The following RHOT1 variants were observed in gnomAD, a reference collection of about 807,000 sequenced individuals.
RHOT1 encodes ras homolog family member T1.
Under a neutral mutation model 95.3 loss-of-function variants are expected in RHOT1, and 27 were observed. The ratio of observed to expected loss-of-function variants is 0.28; its 90% CI spans 0.21 to 0.39. The LOEUF is 0.39. Ranked by LOEUF, RHOT1 falls within the 10% of genes least tolerant of loss-of-function variation. The pLI is 1.00. For missense variants in RHOT1, 578 were observed against 786.7 expected (o/e 0.73, Z 3.17); for synonymous variants, 227 against 263.5 (o/e 0.86, Z 1.34).
chr17:32,151,339 G>A, intron 1 of RHOT1: 1 of 621,100 alleles, frequency 1.6e-6, no homozygotes, highest in South Asian at 1.5e-5. Flanking sequence ...TTGAACCTGG[G>A]AGGTTGAGGC....
chr17:32,204,068 T>C (rs371826083), intron 16 of RHOT1, 95 bp downstream of exon 16: 2 of 800,650 alleles, frequency 2.5e-6, no homozygotes, highest in African/African-American at 1.8e-5. Flanking sequence ...AATGACTCTC[T>C]GTAGAACTTC....
chr17:32,163,203 A>G (rs2033723895), intron 1 of RHOT1, among the ~76,000 whole-genome samples: 1 of 152,164 alleles, frequency 6.6e-6, no homozygotes, highest in Non-Finnish European at 1.5e-5. Flanking sequence ...CAGCATTTAT[A>G]TTGTTGGTAG....
At chr17:32,219,215 T>C (rs1598476273) in intron 19 of RHOT1, among the ~76,000 whole-genome samples, 1 of 152,214 alleles carries the variant, frequency 6.6e-6, no homozygotes, top group Admixed American at 6.5e-5. Context: ...TCAGTTTTGC[T>C]TCTTTTCAGT....
intron 19 of RHOT1, among the ~76,000 whole-genome samples, chr17:32,216,321 T>C (rs953542381): frequency 1.3e-5 from 2 of 152,188 alleles, no homozygotes; most frequent in African/African-American, 4.8e-5. Context: ...TAACCTGTTA[T>C]TTAATCAAAT....
At chr17:32,209,982 A>G (rs992839558) in intron 18 of RHOT1, among the ~76,000 whole-genome samples, 1 of 152,062 alleles carries the variant, frequency 6.6e-6, no homozygotes, top group African/African-American at 2.4e-5. Context: ...TCTTGGGCCT[A>G]TACAAGTTTT....
chr17:32,205,254 G>A (rs1430310674), intron 16 of RHOT1, among the ~76,000 whole-genome samples: 1 of 151,914 alleles, frequency 6.6e-6, no homozygotes, highest in Non-Finnish European at 1.5e-5. Context: ...ACACTTATGA[G>A]TGAGAACATG....
intron 1 of RHOT1, among the ~76,000 whole-genome samples, chr17:32,160,772 A>G (rs533904144): frequency 6.6e-6 from 1 of 152,354 alleles, no homozygotes; most frequent in Non-Finnish European, 1.5e-5. Flanking sequence ...CACAGAGGTC[A>G]GACCCCATGC....
intron 19 of RHOT1, among the ~76,000 whole-genome samples, chr17:32,219,178 C>A (rs2038671974): frequency 6.6e-6 from 1 of 152,158 alleles, no homozygotes; most frequent in South Asian, 2.1e-4. Flanking sequence ...AAAAATGACT[C>A]TCTGGAGCTC....
At chr17:32,150,905 A>C (rs2032199666) in intron 1 of RHOT1, 1 of 1,545,964 alleles carries the variant, frequency 6.5e-7, no homozygotes, top group Admixed American at 1.9e-5. Flanking sequence ...GTTCTGGGGG[A>C]GGTGGGCACA....
intron 19 of RHOT1, among the ~76,000 whole-genome samples, chr17:32,215,868 A>G (rs2038441627): frequency 6.6e-6 from 1 of 152,082 alleles, no homozygotes; most frequent in Non-Finnish European, 1.5e-5. Flanking sequence ...GGATAGGTTT[A>G]TGTTTTACTT....
chr17:32,162,844 A>C (rs2033689389), intron 1 of RHOT1, among the ~76,000 whole-genome samples: 1 of 152,184 alleles, frequency 6.6e-6, no homozygotes, highest in South Asian at 2.1e-4. Context: ...GAAGTGGAGG[A>C]AATAAGAGCT....
intron 8 of RHOT1, among the ~76,000 whole-genome samples, chr17:32,191,347 A>G (rs1386035268): frequency 6.6e-6 from 1 of 152,182 alleles, no homozygotes; most frequent in Non-Finnish European, 1.5e-5. Context: ...TAATAAGTTT[A>G]TATTTCCTCA....
chr17:32,164,110 G>A (rs377526261), intron 1 of RHOT1, among the ~76,000 whole-genome samples: 13 of 152,184 alleles, frequency 8.5e-5, no homozygotes, highest in East Asian at 7.7e-4. Flanking sequence ...AACCAAGATC[G>A]CGCCACTGCG....
intron 11 of RHOT1, among the ~76,000 whole-genome samples, chr17:32,197,774 T>C (rs1037043090): frequency 5.3e-5 from 8 of 152,080 alleles, no homozygotes; most frequent in Non-Finnish European, 1.0e-4. Flanking sequence ...GGTTTTACCA[T>C]GTTGGCCAGG....
chr17:32,154,307 G>A lies in RHOT1; in HGVS notation c.37+11578G>A, dbSNP rs560232377. ...AATTAAAAAAAAAAAAAGGCCAGGC[G>A]CAGTGGCTCACGCCTGTAATCCCAG... On this transcript the variant is annotated intron_variant, in intron 1 of 19. Coordinates refer to ENST00000545287, the MANE Select transcript of RHOT1 (RefSeq NM_001033566.3). 8.3e-5 allele frequency among the ~76,000 whole-genome samples: 12 copies of A among 145,160 alleles called. No individual in the cohort carries two copies. The South Asian group carries it at 2.1e-3, about 25-fold the overall frequency.
intron 1 of RHOT1, among the ~76,000 whole-genome samples, chr17:32,153,450 G>T (rs1435571877): frequency 3.9e-5 from 6 of 152,212 alleles, no homozygotes; most frequent in Non-Finnish European, 8.8e-5. Flanking sequence ...CTTGAGGCTA[G>T]AAGTTTGAGA....
In RHOT1 at chr17:32,150,535, G is replaced by A. The variant is rs2032156422; in HGVS notation, c.37+7806G>A. Reference sequence around the variant, plus strand: ...CCTTATCATACTGGGCCAGGTTTGTGTGGGAGATAGGCCTACAGCTAGACC... The same window carrying A: ...CCTTATCATACTGGGCCAGGTTTGTATGGGAGATAGGCCTACAGCTAGACC... On this transcript the variant is annotated intron_variant, in intron 1 of 19. Coordinates refer to ENST00000545287, the MANE Select transcript of RHOT1 (RefSeq NM_001033566.3). The A allele has an allele frequency of 2.7e-6, 4 of 1,505,088 alleles. No individual in the cohort carries two copies. In the South Asian group the frequency reaches 4.6e-5, roughly 17 times the overall value. The allele number at this position is 1,505,088 out of a possible 1,614,324, so 93.2% of individuals were successfully genotyped here. A position where few individuals can be genotyped will look rare whatever the true frequency, so the allele number is the denominator to read the frequency against.
intron 11 of RHOT1, among the ~76,000 whole-genome samples, chr17:32,198,642 G>A (rs1313259593): frequency 6.6e-6 from 1 of 152,164 alleles, no homozygotes; most frequent in Non-Finnish European, 1.5e-5. Context: ...CCAGGAGGTC[G>A]AGACTGCAGT....
At chr17:32,174,575 A>G (rs1487230815) in intron 3 of RHOT1, among the ~76,000 whole-genome samples, 3 of 152,238 alleles carry the variant, frequency 2.0e-5, no homozygotes, top group Non-Finnish European at 2.9e-5. Context: ...TAACATATGG[A>G]AAGATATTAA....
Sources: allele counts gnomAD v4.1 joint callset (sites outside exome capture counted in the v4.1 genomes callset), GRCh38; gene constraint gnomAD v4.1.1; transcripts MANE v1.5; gene names NCBI Gene and HGNC (gene_info 2026-07-23, HGNC 2026-07-21).